Variants in YWHAZ observed in about 807,000 individuals in gnomAD.
The protein encoded by YWHAZ is 14-3-3 protein zeta/delta.
For missense variants in YWHAZ, 79 were observed against 284.8 expected, an observed-to-expected ratio of 0.28 and a Z score of 5.20; for synonymous variants, 87 against 103.6, an observed-to-expected ratio of 0.84 and a Z score of 0.97.
intron 5 of YWHAZ, chr8:100,923,246 T>C (rs1379114813): frequency 6.6e-6 from 1 of 152,168 alleles, no homozygotes. Flanking sequence ...CTTGATAATT[T>C]TTTCACCTAA....
upstream of YWHAZ, chr8:100,952,942 G>C: frequency 1.0e-6 from 1 of 1,000,616 alleles, no homozygotes; most frequent in Non-Finnish European, 1.2e-6. Context: ...TGATGGGGAG[G>C]CGTTCCAATC....
rs966574428 is a variant in YWHAZ at position 100,950,546 on chromosome 8, C to G, written c.-12+1383G>C. Reference sequence around the variant, plus strand: ...GCCACGGCTCAAGTCCCCGACTCTCCTCCTTTGTCATGGCGGATCTGTGTC... The same window carrying G: ...GCCACGGCTCAAGTCCCCGACTCTCGTCCTTTGTCATGGCGGATCTGTGTC... On this transcript the variant is annotated intron_variant, in intron 1 of 5. Coordinates refer to ENST00000395958, the MANE Select transcript of YWHAZ (RefSeq NM_145690.3). 1.2e-5 allele frequency: 12 copies of G among 985,440 alleles called. No individual in the cohort carries two copies. In the African/African-American group the frequency reaches 2.1e-4, roughly 17 times the overall value. The allele number at this position is 985,440 out of a possible 1,614,324, so 61.0% of individuals were successfully genotyped here.
At position 100,923,936 on chromosome 8, in the gene YWHAZ, G is replaced by A; in HGVS notation, c.678+19C>T. On this transcript the variant is annotated intron_variant, in intron 5 of 5. Transcript: ENST00000395958. ...CTCTTCAACCACATTCATCACTAAT[G>A]ATGCTGTTATGTACTTACTGTCAAG... The A allele has an allele frequency of 6.3e-7, 1 of 1,582,586 alleles. No homozygotes were observed. The highest frequency in any genetic ancestry group is 8.6e-7 in the Non-Finnish European group (1 of 1,165,892).
At position 100,922,998 on chromosome 8, in the gene YWHAZ, T is replaced by C. The variant is rs1813135235; in HGVS notation, c.678+957A>G. On this transcript the variant is annotated intron_variant, in intron 5 of 5. Coordinates refer to ENST00000395958, the MANE Select transcript of YWHAZ (RefSeq NM_145690.3). This position sits in a 1 kb window ranked among gnomAD's most constrained non-coding sequence, Gnocchi z 4.1. ...TCCAAATTGTGCTAATAAAGTAATTTTAGGTTTAATAAACAAGTATACAAT... is the reference window on the plus strand; with the variant it reads ...TCCAAATTGTGCTAATAAAGTAATTCTAGGTTTAATAAACAAGTATACAAT... The C allele has an allele frequency of 6.6e-6, 1 of 152,208 alleles. No homozygotes were observed. The highest frequency in any genetic ancestry group is 1.5e-5 in the Non-Finnish European group (1 of 68,042). The allele number at this position is 152,208 out of a possible 1,614,324, so 9.4% of individuals were successfully genotyped here.
At position 100,948,129 on chromosome 8, in the gene YWHAZ, CTGCATGGTTGACTCAT is replaced by C; in HGVS notation, c.294+451_294+466del. On this transcript the variant is annotated intron_variant, in intron 2 of 5. Transcript: ENST00000395958. This position sits in a 1 kb window ranked among gnomAD's most constrained non-coding sequence, Gnocchi z 4.2. ...TTCATAGTTGTGACGCCAGAGTTTT[CTGCATGGTTGACTCAT>C]TACATTAACATTATAGCGGCTAATC... The C allele has an allele frequency of 6.5e-7, 1 of 1,534,694 alleles. No homozygotes were observed. The highest frequency in any genetic ancestry group is 8.7e-7 in the Non-Finnish European group (1 of 1,146,662).
chr8:100,919,731 GAATTT>G lies in YWHAZ; in HGVS notation c.*957_*961del, dbSNP rs1285033938. 6.6e-6 allele frequency: 1 copy of G among 152,484 alleles called. No homozygotes were observed. Among genetic ancestry groups the G allele is most frequent in the Admixed American group, 6.6e-5 (1 of 15,266 alleles). The allele number at this position is 152,484 out of a possible 1,614,324, so 9.4% of individuals were successfully genotyped here. Reference sequence around the variant, plus strand: ...CATAAAACTTTTATTCCACTTACATGAATTTAATACACGTGTTCTTAACAATTATG... The same window carrying G: ...CATAAAACTTTTATTCCACTTACATGAATACACGTGTTCTTAACAATTATG... On this transcript the variant is annotated 3_prime_UTR_variant, in exon 6 of 6. Transcript: ENST00000395958.
Position 100,924,532 on chromosome 8 carries a change from T to G in YWHAZ, c.419-234A>C, listed in dbSNP as rs901056817. 8.5e-5 allele frequency among the ~76,000 whole-genome samples: 13 copies of G among 152,108 alleles called. No homozygotes were observed. Among genetic ancestry groups the G allele is most frequent in the Non-Finnish European group, 1.8e-4 (12 of 68,026 alleles). ...TTATAATCTCATTATTGTTATGTTT[T>G]TAAAAAATTGACGAGTTTTGACATC... On this transcript the variant is annotated intron_variant, in intron 3 of 5. Transcript: ENST00000395958. The surrounding 1 kb of genome is among the most constrained non-coding windows in gnomAD (Gnocchi z 5.7).
chr8:100,951,417 G>A (rs1810765821), intron 1 of YWHAZ: 1 of 981,564 alleles, frequency 1.0e-6, no homozygotes, highest in Non-Finnish European at 1.2e-6. Flanking sequence ...GGAGGGAAAG[G>A]AGGGGGCGGC....
intron 2 of YWHAZ, among the ~76,000 whole-genome samples, chr8:100,931,760 T>C (rs572369405): frequency 1.1e-4 from 16 of 152,198 alleles, no homozygotes; most frequent in African/African-American, 3.9e-4. Context: ...AAATAAAGTA[T>C]GGAGATTCTG....
intron 2 of YWHAZ, among the ~76,000 whole-genome samples, chr8:100,944,602 C>T (rs1035970890): frequency 7.9e-5 from 12 of 152,132 alleles, no homozygotes; most frequent in Non-Finnish European, 1.2e-4. Flanking sequence ...TTGGCATGGA[C>T]CTTCTGCCCC....
chr8:100,929,493 A>G (rs1414219877), intron 2 of YWHAZ, among the ~76,000 whole-genome samples: 1 of 152,148 alleles, frequency 6.6e-6, no homozygotes, highest in Non-Finnish European at 1.5e-5. Context: ...AAGCCACTGC[A>G]CCTGGCCTCA....
chr8:100,950,764 G>T, intron 1 of YWHAZ: 1 of 210,516 alleles, frequency 4.8e-6, no homozygotes, highest in Non-Finnish European at 8.2e-6. Context: ...GACACACCCC[G>T]CTCTCCCACC....
chr8:100,935,491 T>G (rs975806759), intron 2 of YWHAZ, among the ~76,000 whole-genome samples: 1 of 152,226 alleles, frequency 6.6e-6, no homozygotes, highest in African/African-American at 2.4e-5. Context: ...TATTCTGCTG[T>G]AAGAGACACA....
intron 2 of YWHAZ, among the ~76,000 whole-genome samples, chr8:100,935,956 T>C (rs1209976981): frequency 6.6e-6 from 1 of 152,220 alleles, no homozygotes; most frequent in African/African-American, 2.4e-5. Flanking sequence ...TCACTTTTTT[T>C]CTTAAAAAGT....
intron 2 of YWHAZ, among the ~76,000 whole-genome samples, chr8:100,943,753 G>A (rs1011509588): frequency 2.0e-5 from 3 of 152,106 alleles, no homozygotes; most frequent in East Asian, 1.9e-4. Context: ...TTGGGAGGCC[G>A]AGGCAGGTGG....
rs1554611374 is a variant in YWHAZ at position 100,918,408 on chromosome 8, T to TATATATATATATATATA, written c.*2284_*2285insTATATATATATATATAT. 5 of 41,886 alleles carry TATATATATATATATATA rather than the reference T, an allele frequency of 1.2e-4. No homozygotes were observed. Among genetic ancestry groups the TATATATATATATATATA allele is most frequent in the South Asian group, 1.3e-3 (1 of 794 alleles). 2.6% of individuals were successfully genotyped at this position (41,886 alleles called of 1,614,324 possible). The stretch of plus-strand genomic sequence containing the variant: ...AGTCTAGCTATAAAATATAATTACT[T>TATATATATATATATATA]TATATATATATATATATATATATAT... On this transcript the variant is annotated 3_prime_UTR_variant, in exon 6 of 6. Transcript: ENST00000395958.
At chr8:100,937,663 T>C (rs1814252379) in intron 2 of YWHAZ, among the ~76,000 whole-genome samples, 1 of 152,202 alleles carries the variant, frequency 6.6e-6, no homozygotes, top group African/African-American at 2.4e-5. Context: ...GATTGTACTG[T>C]CATGGCTCTC....
At chr8:100,930,267 T>C (rs895384370) in intron 2 of YWHAZ, among the ~76,000 whole-genome samples, 1 of 152,100 alleles carries the variant, frequency 6.6e-6, no homozygotes, top group Non-Finnish European at 1.5e-5. Flanking sequence ...CCCAGCTAAT[T>C]TTTGTATTTT....
Position 100,924,358 on chromosome 8 carries a change from A to C in YWHAZ, c.419-60T>G. ...GTGTGCATTATATCTTCACCCCTCAAACCAAACCTTTAATATCTCACATAT... is the reference window on the plus strand; with the variant it reads ...GTGTGCATTATATCTTCACCCCTCACACCAAACCTTTAATATCTCACATAT... On this transcript the variant is annotated intron_variant, in intron 3 of 5. Transcript: ENST00000395958. This position sits in a 1 kb window ranked among gnomAD's most constrained non-coding sequence, Gnocchi z 5.7. The C allele has an allele frequency of 6.6e-7, 1 of 1,523,634 alleles. No individual in the cohort carries two copies. Among genetic ancestry groups the C allele is most frequent in the South Asian group, 1.2e-5 (1 of 80,238 alleles). The allele number at this position is 1,523,634 out of a possible 1,614,324, so 94.4% of individuals were successfully genotyped here.
Sources: allele counts gnomAD v4.1 joint callset (sites outside exome capture counted in the v4.1 genomes callset), GRCh38; gene constraint gnomAD v4.1.1; non-coding constraint Gnocchi (gnomAD v3.1); transcripts MANE v1.5; gene names NCBI Gene and HGNC (gene_info 2026-07-23, HGNC 2026-07-21).